The following TRPM8 variants were observed in gnomAD, a reference collection of about 807,000 sequenced individuals.
TRPM8 encodes the protein TRPM8 cationic channel.
A neutral mutation model predicts 133.7 loss-of-function variants in TRPM8; 110 were observed. The observed-to-expected ratio is 0.82, with a 90% confidence interval of 0.70 to 0.96. TRPM8 has a LOEUF of 0.96. Ranked by LOEUF, TRPM8 falls within the 40% of genes least tolerant of loss-of-function variation. The pLI is 0.00. For missense variants in TRPM8, 1,291 were observed against 1,379.5 expected (o/e 0.94, Z 1.02); for synonymous variants, 535 against 532.3 (o/e 1.01, Z -0.07).
chr2:233,927,797 TTCCTTCCTTCC>T (rs1374913699), intron 2 of TRPM8, among the ~76,000 whole-genome samples: 3 of 18,308 alleles, frequency 1.6e-4, no homozygotes, highest in Admixed American at 6.0e-4. Flanking sequence ...TTTCTTTTCT[TTCCTTCCTTCC>T]TTCCTTCCTT....
At chr2:233,991,497 A>G (rs910398200) in intron 21 of TRPM8, among the ~76,000 whole-genome samples, 2 of 152,228 alleles carry the variant, frequency 1.3e-5, no homozygotes, top group Non-Finnish European at 2.9e-5. Flanking sequence ...AGTACTGGCT[A>G]GATACTGCCT....
chr2:234,012,643 G>C (rs1692870983), intron 24 of TRPM8, among the ~76,000 whole-genome samples: 1 of 151,974 alleles, frequency 6.6e-6, no homozygotes, highest in South Asian at 2.1e-4. Flanking sequence ...GTCATGCTAT[G>C]TTAAATAGCA....
At chr2:233,951,288 A>G (rs1451153620) in intron 9 of TRPM8, among the ~76,000 whole-genome samples, 1 of 152,210 alleles carries the variant, frequency 6.6e-6, no homozygotes, top group Non-Finnish European at 1.5e-5. Context: ...TTTCCAACGT[A>G]TACATATCAA....
intron 20 of TRPM8, 128 bp from the exon 21 acceptor site, chr2:233,985,560 A>T: frequency 1.2e-6 from 1 of 827,138 alleles, no homozygotes. Context: ...ACTTGTTTGG[A>T]CAAAGTGCCT....
chr2:233,943,214 CTCA>C (rs1167898008), intron 6 of TRPM8, among the ~76,000 whole-genome samples: 1 of 151,648 alleles, frequency 6.6e-6, no homozygotes, highest in Non-Finnish European at 1.5e-5. Context: ...CACCCATTAA[CTCA>C]TCATTTAACA....
intron 22 of TRPM8, among the ~76,000 whole-genome samples, chr2:234,004,368 C>T (rs1354339957): frequency 6.6e-6 from 1 of 152,236 alleles, no homozygotes; most frequent in African/African-American, 2.4e-5. Flanking sequence ...TGCCTGGTCA[C>T]TGCCTGCTCA....
Position 233,947,171 on chromosome 2 carries a change from G to A in TRPM8, c.942+16G>A. The A allele has an allele frequency of 1.2e-6, 2 of 1,613,774 alleles. No individual in the cohort carries two copies. ...GACTTTGAAAGTGAGTCCTGATTTA[G>A]TTTTCTAGAAGGTTGGCTAATAAGC... On this transcript the variant is annotated intron_variant, in intron 8 of 25. Coordinates refer to ENST00000324695, the MANE Select transcript of TRPM8 (RefSeq NM_024080.5).
chr2:233,964,766 A>G lies in TRPM8; in HGVS notation c.1879+9A>G. On this transcript the variant is annotated intron_variant, in intron 14 of 25. Coordinates refer to ENST00000324695, the MANE Select transcript of TRPM8 (RefSeq NM_024080.5). ...CGAGACCCGGGCTGTTGGTGAGTCCACAGTGTGGAATGCTGTGGTGGGCGC... is the reference window on the plus strand; with the variant it reads ...CGAGACCCGGGCTGTTGGTGAGTCCGCAGTGTGGAATGCTGTGGTGGGCGC... 1 of 1,607,130 alleles carries G rather than the reference A, an allele frequency of 6.2e-7. No homozygotes were observed.
chr2:233,985,759 G>A lies in TRPM8; in HGVS notation c.2833G>A (p.Glu945Lys), dbSNP rs1392939581. Reference protein sequence around the residue: ...ESKPLCVELDEHNLPRFPEWI... With the variant: ...ESKPLCVELDKHNLPRFPEWI... ...CAAGCCACTGTGTGTGGAGCTGGAT[G>A]AGCACAACCTGCCCCGGTTCCCCGA... is the stretch of plus-strand genomic sequence containing the variant. The change falls in exon 21 of 26, where the codon GAG (glutamate) becomes AAG (lysine). Residue 945 changes from glutamate (E) to lysine (K), a missense_variant. Glu to Lys is a moderately conservative substitution (Grantham distance 56). Coordinates refer to ENST00000324695, the MANE Select transcript of TRPM8 (RefSeq NM_024080.5). 1.2e-6 allele frequency: 2 copies of A among 1,614,202 alleles called. No individual in the cohort carries two copies. Among genetic ancestry groups the A allele is most frequent in the Non-Finnish European group, 1.7e-6 (2 of 1,180,030 alleles).
intron 20 of TRPM8, among the ~76,000 whole-genome samples, chr2:233,983,894 T>C (rs1692076525): frequency 6.6e-6 from 1 of 152,164 alleles, no homozygotes; most frequent in South Asian, 2.1e-4. Context: ...GTTCCTGTTG[T>C]TTTCTCTGTT....
intron 17 of TRPM8, among the ~76,000 whole-genome samples, chr2:233,972,457 G>T (rs1000363921): frequency 6.6e-6 from 1 of 152,258 alleles, no homozygotes; most frequent in South Asian, 2.1e-4. Context: ...CCAGTCCTGC[G>T]CTGTGCGCCC....
chr2:234,015,248 A>G (rs1249911546), intron 25 of TRPM8, among the ~76,000 whole-genome samples: 3 of 152,146 alleles, frequency 2.0e-5, no homozygotes, highest in African/African-American at 7.2e-5. Flanking sequence ...GTTTGCTTTT[A>G]TTATGTTTTC....
In TRPM8 at chr2:233,961,122, A is replaced by T. The variant is rs1173540943; in HGVS notation, c.1653+56A>T. 3 of 1,537,502 alleles carry T rather than the reference A, an allele frequency of 2.0e-6. No homozygotes were observed. The African/African-American group carries it at 4.1e-5, about 21-fold the overall frequency. On this transcript the variant is annotated intron_variant, in intron 12 of 25. Transcript: ENST00000324695. ...TCTCGGATATTTTGAGGCTTCCCTCATAAGATATCTCCATTTTCCCTACTC... is the reference window on the plus strand; with the variant it reads ...TCTCGGATATTTTGAGGCTTCCCTCTTAAGATATCTCCATTTTCCCTACTC...
intron 17 of TRPM8, among the ~76,000 whole-genome samples, chr2:233,975,987 G>A (rs1691864211): frequency 6.6e-6 from 1 of 152,220 alleles, no homozygotes; most frequent in Non-Finnish European, 1.5e-5. Context: ...TGCTTTGGAA[G>A]GCAGACCTTG....
intron 2 of TRPM8, among the ~76,000 whole-genome samples, chr2:233,927,034 C>G (rs7558436): frequency 0.11 from 16,500 of 152,148 alleles, 1,015 homozygotes; most frequent in East Asian, 0.21. Flanking sequence ...GTCCTTAGCA[C>G]CTCTCTACCT....
rs766279410 is a variant in TRPM8, at chr2:233,939,163, G to A, written c.514G>A (p.Ala172Thr). Residue 172 changes from alanine (A) to threonine (T), a missense_variant, in exon 5 of 26, where the codon GCG (alanine) becomes ACG (threonine). Ala to Thr is a moderately conservative substitution (Grantham distance 58). Coordinates refer to ENST00000324695, the MANE Select transcript of TRPM8 (RefSeq NM_024080.5). ...RKIFSRLIYI[A>T]QSKGAWILTG... ...GATCTTCAGCCGGCTCATCTACATC[G>A]CGCAGTCCAAAGGTGAGGGTGGGAG... 13 of 1,613,904 alleles carry A rather than the reference G, an allele frequency of 8.1e-6. No homozygotes were observed. The highest frequency in any genetic ancestry group is 3.3e-5 in the Admixed American group (2 of 60,010).
chr2:233,928,803 G>A (rs541231470), intron 2 of TRPM8, among the ~76,000 whole-genome samples: 1 of 152,108 alleles, frequency 6.6e-6, no homozygotes, highest in Admixed American at 6.5e-5. Flanking sequence ...CCATGTGGCC[G>A]CCCCGTTGGC....
At chr2:234,016,100 C>G (rs576391947) in intron 25 of TRPM8, among the ~76,000 whole-genome samples, 1 of 152,266 alleles carries the variant, frequency 6.6e-6, no homozygotes, top group East Asian at 1.9e-4. Flanking sequence ...TTCCTATCAA[C>G]TCGCCCTTTC....
chr2:233,922,938 G>A (rs979669736), intron 1 of TRPM8, among the ~76,000 whole-genome samples: 8 of 152,028 alleles, frequency 5.3e-5, no homozygotes, highest in East Asian at 1.9e-4. Flanking sequence ...GCACGATCTC[G>A]GCTCACTTCA....
Sources: gnomAD v4.1 joint callset for allele counts (sites outside exome capture counted in the v4.1 genomes callset) on GRCh38, gnomAD v4.1.1 for gene constraint, MANE v1.5 for transcripts, NCBI Gene and HGNC (gene_info 2026-07-23, HGNC 2026-07-21) for gene names.